Variants in INSYN2A observed in about 807,000 individuals in gnomAD.
The protein encoded by INSYN2A is family with sequence similarity 196 member A.
INSYN2A carries 17 observed loss-of-function variants against 39.4 expected under a neutral mutation model. The ratio of observed to expected loss-of-function variants is 0.43; its 90% confidence interval spans 0.30 to 0.65. The LOEUF is 0.65. Among genes scored for constraint, INSYN2A ranks in the 30% least tolerant of loss-of-function variants. The pLI is 0.14. For missense variants in INSYN2A, 595 were observed against 631.2 expected, an observed-to-expected ratio of 0.94 and a Z score of 0.61; for synonymous variants, 255 against 265.7, an observed-to-expected ratio of 0.96 and a Z score of 0.39.
intron 2 of INSYN2A, among the ~76,000 whole-genome samples, chr10:127,181,119 G>A (rs1003985149): frequency 2.0e-5 from 3 of 152,168 alleles, no homozygotes; most frequent in Non-Finnish European, 2.9e-5. Flanking sequence ...ATCTTTTATT[G>A]TTTTGAGGGA....
chr10:127,169,985 CAG>C (rs1469769565), intron 4 of INSYN2A, among the ~76,000 whole-genome samples: 1 of 152,054 alleles, frequency 6.6e-6, no homozygotes, highest in African/African-American at 2.4e-5. Context: ...CCCCTGAACT[CAG>C]GGGGTTCCTT....
chr10:127,174,941 A>G (rs2054940256), intron 4 of INSYN2A, among the ~76,000 whole-genome samples: 1 of 152,206 alleles, frequency 6.6e-6, no homozygotes, highest in Non-Finnish European at 1.5e-5. Flanking sequence ...AATAAAAGGA[A>G]AGGTCTATCA....
intron 5 of INSYN2A, among the ~76,000 whole-genome samples, chr10:127,142,143 G>T: frequency 6.6e-6 from 1 of 152,200 alleles, no homozygotes; most frequent in Non-Finnish European, 1.5e-5. Flanking sequence ...TGTTTTCTGG[G>T]TGATGTTTGT....
chr10:127,172,810 A>G (rs2054702357), intron 4 of INSYN2A, among the ~76,000 whole-genome samples: 1 of 152,196 alleles, frequency 6.6e-6, no homozygotes, highest in Non-Finnish European at 1.5e-5. Context: ...CAGATGCTTA[A>G]GAACCAGGCA....
intron 4 of INSYN2A, among the ~76,000 whole-genome samples, chr10:127,159,681 T>C (rs975661323): frequency 3.3e-5 from 5 of 152,186 alleles, no homozygotes; most frequent in African/African-American, 1.2e-4. Flanking sequence ...TTTTCAGTTA[T>C]TCCTTTTACG....
intron 4 of INSYN2A, among the ~76,000 whole-genome samples, chr10:127,159,473 C>T (rs955647432): frequency 6.6e-6 from 1 of 152,012 alleles, no homozygotes; most frequent in Non-Finnish European, 1.5e-5. Context: ...TGTATACTTA[C>T]AAGTATATAA....
chr10:127,183,957 C>A (rs1309535413), intron 2 of INSYN2A, among the ~76,000 whole-genome samples: 1 of 152,114 alleles, frequency 6.6e-6, no homozygotes, highest in Non-Finnish European at 1.5e-5. Flanking sequence ...AAACATGAAA[C>A]CATATCCTTC....
intron 2 of INSYN2A, 48 bp from the exon 3 acceptor site, chr10:127,177,187 G>C (rs997171643): frequency 6.6e-6 from 1 of 151,738 alleles, no homozygotes; most frequent in African/African-American, 2.4e-5. Context: ...ATCAAGTTTT[G>C]TGTTGTGATC....
intron 4 of INSYN2A, among the ~76,000 whole-genome samples, chr10:127,166,948 T>A (rs1177453902): frequency 6.6e-6 from 1 of 152,146 alleles, no homozygotes; most frequent in Non-Finnish European, 1.5e-5. Flanking sequence ...GTATTTGAAA[T>A]CTATTTTGGC....
intron 4 of INSYN2A, among the ~76,000 whole-genome samples, chr10:127,157,650 A>ATC (rs1373161877): frequency 6.6e-6 from 1 of 152,172 alleles, no homozygotes; most frequent in East Asian, 1.9e-4. Flanking sequence ...TTGGAGACAT[A>ATC]TCTGTGGTCA....
rs982620899 is a variant in INSYN2A at position 127,175,110 on chromosome 10, A to G, written c.1184+102T>C. ...CTTAGACTATGACCTGTTTACGGAA[A>G]TGCTGGCTTTAGTCTCATTACAGAC... On this transcript the variant is annotated intron_variant, in intron 4 of 5. Transcript: ENST00000522781. The surrounding 1 kb of genome is among the most constrained non-coding windows in gnomAD (Gnocchi z 6.3). 3 of 1,026,522 alleles carry G rather than the reference A, an allele frequency of 2.9e-6. No homozygotes were observed. In the African/African-American group the frequency reaches 4.8e-5, roughly 16 times the overall value. 63.6% of individuals were successfully genotyped at this position (1,026,522 alleles called of 1,614,324 possible).
At chr10:127,140,973 C>T (rs575941904) in intron 5 of INSYN2A, among the ~76,000 whole-genome samples, 3 of 152,304 alleles carry the variant, frequency 2.0e-5, no homozygotes, top group East Asian at 3.9e-4. Context: ...GCTTCAGCTT[C>T]CCCTTCCTGC....
intron 5 of INSYN2A, among the ~76,000 whole-genome samples, chr10:127,141,354 C>G (rs1181380096): frequency 6.6e-6 from 1 of 152,176 alleles, no homozygotes; most frequent in East Asian, 1.9e-4. Flanking sequence ...GGGCTGGGTC[C>G]TAGCAGTTGC....
At chr10:127,148,030 CAAAAAAAAAAAAA>C (rs57503481) in intron 5 of INSYN2A, among the ~76,000 whole-genome samples, 3 of 63,318 alleles carry the variant, frequency 4.7e-5, no homozygotes, top group Non-Finnish European at 9.9e-5. Flanking sequence ...GACTCTGTCT[CAAAAAAAAAAAAA>C]AAAAAAAAAA....
chr10:127,184,613 A>G (rs865942735), intron 2 of INSYN2A, among the ~76,000 whole-genome samples: 1 of 151,986 alleles, frequency 6.6e-6, no homozygotes, highest in Non-Finnish European at 1.5e-5. Context: ...AAGATCATCT[A>G]TACTTTTTCC....
At chr10:127,181,662 C>T (rs2055747415) in intron 2 of INSYN2A, among the ~76,000 whole-genome samples, 1 of 152,160 alleles carries the variant, frequency 6.6e-6, no homozygotes, top group Non-Finnish European at 1.5e-5. Flanking sequence ...CATTTTCTTC[C>T]ATATGCCAAG....
intron 2 of INSYN2A, among the ~76,000 whole-genome samples, chr10:127,185,884 G>A (rs542736927): frequency 2.0e-5 from 3 of 152,260 alleles, no homozygotes; most frequent in Non-Finnish European, 4.4e-5. Flanking sequence ...TAACCATGCA[G>A]TATATTGGGG....
chr10:127,146,272 T>G (rs930563377), intron 5 of INSYN2A, among the ~76,000 whole-genome samples: 2 of 152,218 alleles, frequency 1.3e-5, no homozygotes, highest in African/African-American at 4.8e-5. Context: ...ACTAATTGTT[T>G]CACAAATAAT....
intron 4 of INSYN2A, among the ~76,000 whole-genome samples, chr10:127,159,183 G>C (rs552133411): frequency 2.0e-5 from 3 of 152,222 alleles, no homozygotes; most frequent in Non-Finnish European, 4.4e-5. Context: ...TTTTTGTGGA[G>C]TCCAGTTTTT....
Sources: allele counts gnomAD v4.1 joint callset (sites outside exome capture counted in the v4.1 genomes callset), GRCh38; gene constraint gnomAD v4.1.1; non-coding constraint Gnocchi (gnomAD v3.1); transcripts MANE v1.5; gene names NCBI Gene and HGNC (gene_info 2026-07-23, HGNC 2026-07-21).